The following DLG2 variants were observed in gnomAD, a reference collection of about 807,000 sequenced individuals.
The protein encoded by DLG2 is discs large MAGUK scaffold protein 2.
Under a neutral mutation model 132.5 loss-of-function variants are expected in DLG2, and 45 were observed. That is an observed-to-expected ratio of 0.34 (90% confidence interval 0.27 to 0.44). DLG2 has a LOEUF of 0.44. DLG2 is among the 20% of genes least tolerant of loss of function. The pLI is 1.00. For missense variants in DLG2, 1,045 were observed against 1,196.9 expected (o/e 0.87, Z 1.87); for synonymous variants, 424 against 419.6 (o/e 1.01, Z -0.13).
At chr11:83,570,212 A>C (rs1251794742) in intron 19 of DLG2, among the ~76,000 whole-genome samples, 1 of 152,196 alleles carries the variant, frequency 6.6e-6, no homozygotes, top group Non-Finnish European at 1.5e-5. Flanking sequence ...ACAAGAGTCT[A>C]CTGGGGGGCA....
intron 6 of DLG2, among the ~76,000 whole-genome samples, chr11:84,932,939 A>G (rs551570728): frequency 1.7e-4 from 26 of 152,294 alleles, no homozygotes; most frequent in South Asian, 1.2e-3. Flanking sequence ...AATCACCGTA[A>G]TATCTTCCAC....
At chr11:83,981,119 G>A (rs1168228113) in intron 11 of DLG2, among the ~76,000 whole-genome samples, 1 of 152,160 alleles carries the variant, frequency 6.6e-6, no homozygotes, top group East Asian at 1.9e-4. Flanking sequence ...ATTTCAAGAT[G>A]AGAAATAGAA....
intron 4 of DLG2, among the ~76,000 whole-genome samples, chr11:85,240,484 T>A (rs556665114): frequency 1.3e-5 from 2 of 151,910 alleles, no homozygotes; most frequent in African/African-American, 4.8e-5. Flanking sequence ...TTAAAAAAAA[T>A]CATTCTCTAC....
At chr11:85,340,681 T>A (rs2082429557) in intron 3 of DLG2, among the ~76,000 whole-genome samples, 1 of 152,202 alleles carries the variant, frequency 6.6e-6, no homozygotes, top group Non-Finnish European at 1.5e-5. Flanking sequence ...ATATTAGCCC[T>A]TTGCCTGTGG....
intron 6 of DLG2, among the ~76,000 whole-genome samples, chr11:85,031,553 G>A (rs1360573932): frequency 1.3e-5 from 2 of 151,896 alleles, no homozygotes; most frequent in African/African-American, 4.8e-5. Flanking sequence ...TCATAATAGT[G>A]TAGGAATCCC....
chr11:85,530,424 G>A (rs1285513157), intron 3 of DLG2, among the ~76,000 whole-genome samples: 5 of 151,624 alleles, frequency 3.3e-5, no homozygotes, highest in Non-Finnish European at 2.9e-5. Context: ...AGGTTCAAGC[G>A]ATTCTCCTGC....
intron 6 of DLG2, among the ~76,000 whole-genome samples, chr11:84,600,581 A>G (rs1380890197): frequency 3.3e-5 from 5 of 152,178 alleles, no homozygotes; most frequent in African/African-American, 9.7e-5. Context: ...TCTGCCTTCA[A>G]ATATAATGCT....
At chr11:84,000,836 A>G (rs1013629225) in intron 11 of DLG2, among the ~76,000 whole-genome samples, 8 of 152,148 alleles carry the variant, frequency 5.3e-5, no homozygotes, top group Non-Finnish European at 1.2e-4. Flanking sequence ...CCACTAGACC[A>G]GCTCTATAAG....
intron 3 of DLG2, among the ~76,000 whole-genome samples, chr11:85,430,249 G>T (rs1281867507): frequency 6.6e-6 from 1 of 151,768 alleles, no homozygotes; most frequent in African/African-American, 2.4e-5. Context: ...TATACCTAAT[G>T]TTAAATGACG....
chr11:84,847,446 T>A (rs2081615610), intron 6 of DLG2, among the ~76,000 whole-genome samples: 1 of 152,106 alleles, frequency 6.6e-6, no homozygotes, highest in African/African-American at 2.4e-5. Context: ...GTTTGGGAGT[T>A]TTATGGGTTT....
intron 22 of DLG2, among the ~76,000 whole-genome samples, chr11:83,477,440 T>C (rs1254049044): frequency 6.6e-6 from 1 of 152,108 alleles, no homozygotes; most frequent in African/African-American, 2.4e-5. Context: ...CTTGAGATGA[T>C]GCAGCAAAGA....
At chr11:85,202,044 TAAAG>T (rs1473074290) in intron 4 of DLG2, among the ~76,000 whole-genome samples, 1 of 149,028 alleles carries the variant, frequency 6.7e-6, no homozygotes, top group Non-Finnish European at 1.5e-5. Flanking sequence ...AAAAATGAAA[TAAAG>T]AAAGCTTATG....
At chr11:84,252,140 C>CT (rs1176873990) in intron 7 of DLG2, among the ~76,000 whole-genome samples, 1,632 of 65,394 alleles carry the variant, frequency 0.025, 200 homozygotes, top group African/African-American at 0.06. Flanking sequence ...TTCTTTCTTT[C>CT]TTTTTTTTTT....
intron 4 of DLG2, among the ~76,000 whole-genome samples, chr11:85,189,394 A>G (rs1463790291): frequency 6.6e-6 from 1 of 152,242 alleles, no homozygotes; most frequent in African/African-American, 2.4e-5. Flanking sequence ...TATCTATTCA[A>G]TGGAATGCTA....
intron 6 of DLG2, chr11:84,720,548 C>CCG: frequency 1.1e-6 from 1 of 941,030 alleles, no homozygotes; most frequent in African/African-American, 1.8e-5. Flanking sequence ...GGAAGCAACG[C>CCG]CGCGGGCAAG....
intron 8 of DLG2, among the ~76,000 whole-genome samples, chr11:84,169,059 G>GCCAAC (rs2154267583): frequency 6.6e-6 from 1 of 152,224 alleles, no homozygotes; most frequent in South Asian, 2.1e-4. Context: ...CAACATTTTT[G>GCCAAC]ATGAGTGCGA....
chr11:84,524,961 A>G (rs1291210163), intron 7 of DLG2, among the ~76,000 whole-genome samples: 1 of 152,030 alleles, frequency 6.6e-6, no homozygotes, highest in East Asian at 1.9e-4. Flanking sequence ...TTTAAAAGAC[A>G]TGACTCCCTT....
At chr11:83,760,715 C>CA (rs1490062582) in intron 18 of DLG2, among the ~76,000 whole-genome samples, 1 of 152,062 alleles carries the variant, frequency 6.6e-6, no homozygotes, top group Non-Finnish European at 1.5e-5. Flanking sequence ...ACAACAACAA[C>CA]AAAAAACTGT....
At chr11:84,227,187 G>A (rs577242781) in intron 8 of DLG2, among the ~76,000 whole-genome samples, 4 of 152,074 alleles carry the variant, frequency 2.6e-5, no homozygotes, top group African/African-American at 4.8e-5. Flanking sequence ...TCATGGAGGA[G>A]GTGGCATTTC....
Sources: allele counts gnomAD v4.1 joint callset (sites outside exome capture counted in the v4.1 genomes callset), GRCh38; gene constraint gnomAD v4.1.1; transcripts MANE v1.5; gene names NCBI Gene and HGNC (gene_info 2026-07-23, HGNC 2026-07-21).